Variants in PFKL observed in about 807,000 individuals in gnomAD.
PFKL encodes ATP-dependent 6-phosphofructokinase, liver type.
PFKL carries 74 observed loss-of-function variants against 92.1 expected under a neutral mutation model. The observed-to-expected ratio is 0.80, with a 90% CI of 0.67 to 0.97. The LOEUF is 0.97. PFKL is among the 50% of genes least tolerant of loss of function. The probability of loss-of-function intolerance (pLI) is 0.00; values close to 1 mark genes in which losing one functional copy is unlikely to be tolerated. For missense variants in PFKL, 1,028 were observed against 1,116.6 expected, an observed-to-expected ratio of 0.92 and a Z score of 1.13; for synonymous variants, 494 against 456.4, an observed-to-expected ratio of 1.08 and a Z score of -1.05.
At chr21:44,325,286 C>G (rs1450658716) in intron 19 of PFKL, 22 bp downstream of exon 19, 2 of 1,439,044 alleles carry the variant, frequency 1.4e-6, no homozygotes, top group African/African-American at 2.8e-5. Context: ...GGGTGAGGCT[C>G]TGAGAGGCCT....
chr21:44,314,173 G>A (rs1480496841), intron 7 of PFKL, 152 bp downstream of exon 7: 6 of 632,766 alleles, frequency 9.5e-6, no homozygotes, highest in Non-Finnish European at 1.7e-5. Flanking sequence ...CACGCAAGGA[G>A]TGGGGGGCTA....
chr21:44,312,960 C>G lies in PFKL; in HGVS notation c.428-18C>G. On this transcript the variant is annotated intron_variant, in intron 4 of 21. Transcript: ENST00000349048. ...CCAGTGGAGCCTCAGCCAGGTCCTC[C>G]TGCTGCTCCTGGCCCAGGTAAGATC... 1.2e-6 allele frequency: 2 copies of G among 1,611,246 alleles called. No homozygotes were observed. The highest frequency in any genetic ancestry group is 1.7e-6 in the Non-Finnish European group (2 of 1,178,638).
At chr21:44,306,616 T>TGGA in intron 1 of PFKL, 65 bp from the exon 2 acceptor site, 1 of 1,393,400 alleles carries the variant, frequency 7.2e-7, no homozygotes, top group East Asian at 2.5e-5. Flanking sequence ...TCCTCTGAGA[T>TGGA]GGGGAGGGTG....
At chr21:44,312,927 T>C (rs773725259) in intron 4 of PFKL, 51 bp from the exon 5 acceptor site, 1 of 1,574,272 alleles carries the variant, frequency 6.4e-7, no homozygotes, top group Non-Finnish European at 8.7e-7. Context: ...TCTGGCCCTG[T>C]GGTGGGGCCA....
intron 19 of PFKL, 166 bp downstream of exon 19, chr21:44,325,430 G>A: frequency 3.3e-6 from 2 of 604,032 alleles, no homozygotes; most frequent in South Asian, 3.8e-5. Context: ...GTATCTAGGT[G>A]AGGTCTCATT....
chr21:44,320,323 G>A, intron 12 of PFKL, 176 bp downstream of exon 12: 1 of 531,326 alleles, frequency 1.9e-6, no homozygotes, highest in Non-Finnish European at 3.4e-6. Flanking sequence ...CACTGTGGCT[G>A]GCAGGTCCCG....
At chr21:44,313,203 G>C (rs913788845) in intron 5 of PFKL, 60 bp downstream of exon 5, 1 of 1,579,580 alleles carries the variant, frequency 6.3e-7, no homozygotes, top group Non-Finnish European at 8.6e-7. Flanking sequence ...CGGTGGTGAG[G>C]TGGTCTCAGG....
At chr21:44,324,958 A>C in intron 18 of PFKL, 41 bp downstream of exon 18, 1 of 1,552,128 alleles carries the variant, frequency 6.4e-7, no homozygotes, top group Non-Finnish European at 8.8e-7. Context: ...TGCGCGTCCA[A>C]CTCTCGGGGC....
At chr21:44,326,678 T>A in intron 21 of PFKL, 37 bp from the exon 22 acceptor site, 1 of 1,603,024 alleles carries the variant, frequency 6.2e-7, no homozygotes, top group Non-Finnish European at 8.5e-7. Flanking sequence ...CCCTGACCCC[T>A]GACTCCCCAT....
chr21:44,316,302 G>A lies in PFKL; in HGVS notation c.806G>A (p.Arg269His), dbSNP rs138683366. ...IIIIAEGAID[R>H]NGKPISSSYV... ...ATCATCGCTGAGGGTGCCATTGACC[G>A]CAACGGGAAGCCCATCTCGTCCAGC... The change falls in exon 8 of 22, where the codon CGC (arginine) becomes CAC (histidine). Residue 269 changes from arginine to histidine, a missense_variant. Arg to His is a conservative substitution (Grantham distance 29). Transcript: ENST00000349048. The A allele has an allele frequency of 3.2e-4, 511 of 1,613,316 alleles. 1 individual carries two copies. The East Asian group carries it at 3.3e-3, about 10-fold the overall frequency.
intron 2 of PFKL, among the ~76,000 whole-genome samples, chr21:44,310,541 C>T (rs557149068): frequency 6.9e-4 from 105 of 152,328 alleles, no homozygotes; most frequent in Admixed American, 1.8e-3. Context: ...CAAGAGCACG[C>T]GCCGCACACC....
chr21:44,315,989 C>CCCTG (rs2047193352), intron 7 of PFKL: 1 of 526,920 alleles, frequency 1.9e-6, no homozygotes, highest in South Asian at 2.1e-5. Flanking sequence ...CCCCTTCCTC[C>CCCTG]CCTGCTGCCC....
chr21:44,320,256 TG>T, intron 12 of PFKL, 109 bp downstream of exon 12: 1 of 922,856 alleles, frequency 1.1e-6, no homozygotes, highest in Non-Finnish European at 1.7e-6. Flanking sequence ...TCCCTCCTGC[TG>T]GGGTCCGAGC....
chr21:44,311,970 AC>A, intron 3 of PFKL, 134 bp from the exon 4 acceptor site: 6 of 622,196 alleles, frequency 9.6e-6, no homozygotes, highest in Middle Eastern at 4.4e-4. Flanking sequence ...GTTTCCAGAG[AC>A]CCCGGGGCTT....
At chr21:44,316,546 C>G in intron 9 of PFKL, 22 bp downstream of exon 9, 1 of 1,558,318 alleles carries the variant, frequency 6.4e-7, no homozygotes, top group Non-Finnish European at 8.7e-7. Flanking sequence ...TCACCCTGCC[C>G]TGCGTACGTG....
At chr21:44,307,225 G>C in intron 2 of PFKL, 2 of 973,566 alleles carry the variant, frequency 2.1e-6, no homozygotes, top group Non-Finnish European at 2.4e-6. Flanking sequence ...GCTGGCAGCA[G>C]CTCTGCTGTG....
chr21:44,300,269 AGCCCCGG>A (rs1329140949), intron 1 of PFKL, 79 bp downstream of exon 1: 1 of 668,858 alleles, frequency 1.5e-6, no homozygotes, highest in African/African-American at 2.0e-5. Context: ...GCGCCCGCCG[AGCCCCGG>A]GACCCGGGTC....
chr21:44,316,550 G>C (rs201894164), intron 9 of PFKL, 26 bp downstream of exon 9: 21 of 1,538,546 alleles, frequency 1.4e-5, no homozygotes, highest in Non-Finnish European at 1.9e-5. Context: ...CCTGCCCTGC[G>C]TACGTGCGTG....
chr21:44,313,514 C>T, intron 5 of PFKL, 124 bp from the exon 6 acceptor site: 2 of 888,026 alleles, frequency 2.3e-6, no homozygotes, highest in Non-Finnish European at 3.6e-6. Flanking sequence ...AGAGCCTGGG[C>T]ATGAGAAGGG....
Sources: gnomAD v4.1 joint callset for allele counts (sites outside exome capture counted in the v4.1 genomes callset) on GRCh38, gnomAD v4.1.1 for gene constraint, MANE v1.5 for transcripts, NCBI Gene and HGNC (gene_info 2026-07-23, HGNC 2026-07-21) for gene names.